Variants in RAD54L2 observed in about 807,000 individuals in gnomAD.
The protein encoded by RAD54L2 is helicase ARIP4.
Under a neutral mutation model 138.4 loss-of-function variants are expected in RAD54L2, and 27 were observed. The observed-to-expected ratio is 0.20, with a 90% CI of 0.14 to 0.27. The LOEUF (loss-of-function observed/expected upper bound fraction) is 0.27. RAD54L2 is among the 10% of genes least tolerant of loss of function. RAD54L2 has a pLI of 1.00. For synonymous variants in RAD54L2, 644 were observed against 723.2 expected (o/e 0.89, Z 1.76); for missense variants, 1,396 against 1,890.2 (o/e 0.74, Z 4.85).
At chr3:51,561,982 C>T (rs1394991792) in intron 2 of RAD54L2, among the ~76,000 whole-genome samples, 1 of 151,822 alleles carries the variant, frequency 6.6e-6, no homozygotes, top group Non-Finnish European at 1.5e-5. Flanking sequence ...AATCCCCCCA[C>T]CTCAGCCTCC....
intron 12 of RAD54L2, 64 bp from the exon 13 acceptor site, chr3:51,639,355 C>T: frequency 6.4e-7 from 1 of 1,568,272 alleles, no homozygotes; most frequent in South Asian, 1.2e-5. Flanking sequence ...TGTTTCCAGA[C>T]TCCCTGGGAC....
intron 2 of RAD54L2, among the ~76,000 whole-genome samples, chr3:51,551,764 T>C (rs1466970583): frequency 6.6e-6 from 1 of 151,254 alleles, no homozygotes; most frequent in Non-Finnish European, 1.5e-5. Flanking sequence ...TCTTTCTTTT[T>C]TTTTTTTGAG....
chr3:51,602,834 G>T (rs1348807716), intron 3 of RAD54L2, among the ~76,000 whole-genome samples: 3 of 152,076 alleles, frequency 2.0e-5, no homozygotes, highest in African/African-American at 7.2e-5. Context: ...ATGTCAGAAG[G>T]TATAAGTGTT....
chr3:51,554,392 T>C (rs1182437867), intron 2 of RAD54L2, among the ~76,000 whole-genome samples: 1 of 147,202 alleles, frequency 6.8e-6, no homozygotes, highest in African/African-American at 2.5e-5. Context: ...TAGCTGGGTG[T>C]GGTGGTGCAC....
intron 12 of RAD54L2, 54 bp from the exon 13 acceptor site, chr3:51,639,365 C>T (rs1701067417): frequency 3.1e-6 from 5 of 1,589,830 alleles, no homozygotes; most frequent in Non-Finnish European, 4.3e-6. Flanking sequence ...CTCCCTGGGA[C>T]ACCCTTGGAA....
At chr3:51,574,119 G>A (rs1261890710) in intron 2 of RAD54L2, among the ~76,000 whole-genome samples, 1 of 151,648 alleles carries the variant, frequency 6.6e-6, no homozygotes, top group Non-Finnish European at 1.5e-5. Context: ...ACTTGTGATA[G>A]TTTGCTCAGA....
chr3:51,615,829 C>A (rs964158232), intron 3 of RAD54L2, among the ~76,000 whole-genome samples: 2 of 151,950 alleles, frequency 1.3e-5, no homozygotes, highest in African/African-American at 4.8e-5. Flanking sequence ...TGGTTTTGTT[C>A]TTTTTTTAAA....
At chr3:51,550,395 T>C (rs1698806264) in intron 2 of RAD54L2, among the ~76,000 whole-genome samples, 1 of 152,150 alleles carries the variant, frequency 6.6e-6, no homozygotes, top group Non-Finnish European at 1.5e-5. Context: ...AATGTATGAG[T>C]ACAGTAAAAT....
At chr3:51,651,694 T>G (rs560274804) in intron 19 of RAD54L2, among the ~76,000 whole-genome samples, 1 of 152,220 alleles carries the variant, frequency 6.6e-6, no homozygotes, top group Non-Finnish European at 1.5e-5. Context: ...ACCACATGAT[T>G]ATCTCAATAG....
chr3:51,540,577 T>C (rs1197342454), intron 1 of RAD54L2, among the ~76,000 whole-genome samples: 1 of 152,224 alleles, frequency 6.6e-6, no homozygotes, highest in African/African-American at 2.4e-5. Flanking sequence ...ACAAAAACAG[T>C]ATCAGAATCA....
intron 19 of RAD54L2, among the ~76,000 whole-genome samples, chr3:51,647,626 G>A (rs746376678): frequency 3.3e-5 from 5 of 152,044 alleles, no homozygotes; most frequent in Admixed American, 6.6e-5. Flanking sequence ...CCGAGATCGC[G>A]CCATTGCACT....
Position 51,637,487 on chromosome 3 carries a change from G to A in RAD54L2, c.1666G>A (p.Glu556Lys). 1 of 1,612,234 alleles carries A rather than the reference G, an allele frequency of 6.2e-7. No homozygotes were observed. Among genetic ancestry groups the A allele is most frequent in the Non-Finnish European group, 8.5e-7 (1 of 1,178,868 alleles). The change falls in exon 11 of 23, where the codon GAG becomes AAG. Residue 556 changes from glutamate (E) to lysine (K), a missense_variant. This residue lies in a region of RAD54L2 where 36 missense variants were observed against 107.2 expected (regional missense o/e 0.34). Transcript: ENST00000684192. The surrounding 1 kb of genome is among the most constrained non-coding windows in gnomAD (Gnocchi z 5.9). The part of the protein sequence containing the change: ...YRSHVLHSLL[E>K]GFVQRRGHTV... ...GAGCCATGTCCTGCACAGTCTTCTG[G>A]AGGGCTTTGTGCAGAGGTGAGCCAT...
At position 51,665,195 on chromosome 3, in the gene RAD54L2, C is replaced by T. The variant is rs1442308243; in HGVS notation, c.*1775C>T. 6.6e-6 allele frequency: 1 copy of T among 151,350 alleles called. No homozygotes were observed. The highest frequency in any genetic ancestry group is 1.5e-5 in the Non-Finnish European group (1 of 67,870). 9.4% of individuals were successfully genotyped at this position (151,350 alleles called of 1,614,324 possible). A position where few individuals can be genotyped will look rare whatever the true frequency, so the allele number is the denominator to read the frequency against. On this transcript the variant is annotated 3_prime_UTR_variant, in exon 23 of 23. Transcript: ENST00000684192. ...TGTATCCCCCACCCCAACACTTTGC[C>T]AGACAGTTCTTTATGATGAACAAAC...
Position 51,637,608 on chromosome 3 carries a change from CTT to C in RAD54L2, c.1682+106_1682+107del. 1.8e-6 allele frequency: 2 copies of C among 1,135,332 alleles called. No individual in the cohort carries two copies. Among genetic ancestry groups the C allele is most frequent in the Non-Finnish European group, 2.4e-6 (2 of 817,756 alleles). 70.3% of individuals were successfully genotyped at this position (1,135,332 alleles called of 1,614,324 possible). ...ATAGGGTGTTGGAGTAGGAGGGCCC[CTT>C]CCCTGGGGCAGTAGTAAAACTTTGC... On this transcript the variant is annotated intron_variant, in intron 11 of 22. Transcript: ENST00000684192. This position sits in a 1 kb window ranked among gnomAD's most constrained non-coding sequence, Gnocchi z 5.9.
At chr3:51,617,946 A>G (rs1700485112) in intron 3 of RAD54L2, among the ~76,000 whole-genome samples, 1 of 151,842 alleles carries the variant, frequency 6.6e-6, no homozygotes, top group African/African-American at 2.4e-5. Flanking sequence ...TAATACATAC[A>G]TGTTTCTAGA....
chr3:51,655,503 C>T (rs907577852), intron 19 of RAD54L2, among the ~76,000 whole-genome samples: 1 of 152,174 alleles, frequency 6.6e-6, no homozygotes, highest in Non-Finnish European at 1.5e-5. Flanking sequence ...TTGGAACAGA[C>T]TATTTTTTAG....
intron 2 of RAD54L2, among the ~76,000 whole-genome samples, chr3:51,562,671 C>A (rs1699125937): frequency 6.6e-6 from 1 of 152,054 alleles, no homozygotes; most frequent in African/African-American, 2.4e-5. Context: ...GCCTGGCCAG[C>A]TAATTTTTTT....
chr3:51,561,380 G>A (rs1487795584), intron 2 of RAD54L2, among the ~76,000 whole-genome samples: 1 of 152,022 alleles, frequency 6.6e-6, no homozygotes, highest in East Asian at 1.9e-4. Flanking sequence ...CAAGTAGCTG[G>A]GATAACAGGC....
chr3:51,601,957 A>G (rs1480378101), intron 3 of RAD54L2, among the ~76,000 whole-genome samples: 1 of 150,854 alleles, frequency 6.6e-6, no homozygotes, highest in Admixed American at 6.6e-5. Flanking sequence ...CAGCCCCCTG[A>G]GTTGCCAGGA....
Sources: gnomAD v4.1 joint callset for allele counts (sites outside exome capture counted in the v4.1 genomes callset) on GRCh38, gnomAD v4.1.1 for gene constraint, gnomAD v4.1.1 regional missense constraint, Gnocchi (gnomAD v3.1) non-coding constraint, MANE v1.5 for transcripts, NCBI Gene and HGNC (gene_info 2026-07-23, HGNC 2026-07-21) for gene names.